Variants in PLEKHM3 observed in about 807,000 individuals in gnomAD.
PLEKHM3 encodes pleckstrin homology domain containing M3, also known as pleckstrin homology domain-containing family M member 3.
Under a neutral mutation model 81.8 loss-of-function variants are expected in PLEKHM3, and 45 were observed. The ratio of observed to expected loss-of-function variants is 0.55; its 90% CI spans 0.43 to 0.71. The LOEUF (loss-of-function observed/expected upper bound fraction) is 0.71. Ranked by LOEUF, PLEKHM3 falls within the 30% of genes least tolerant of loss-of-function variation. The pLI is 0.00. For missense variants in PLEKHM3, 788 were observed against 924.3 expected (o/e 0.85, Z 1.91); for synonymous variants, 352 against 356.4 (o/e 0.99, Z 0.14).
intron 7 of PLEKHM3, among the ~76,000 whole-genome samples, chr2:207,853,253 A>T (rs1255975853): frequency 6.6e-6 from 1 of 152,032 alleles, no homozygotes; most frequent in African/African-American, 2.4e-5. Flanking sequence ...CCCCGTCTCT[A>T]CTAAAAATAC....
intron 3 of PLEKHM3, among the ~76,000 whole-genome samples, chr2:207,948,726 G>C (rs1410785334): frequency 1.3e-5 from 2 of 152,210 alleles, no homozygotes; most frequent in South Asian, 4.1e-4. Flanking sequence ...TGTATTTTTA[G>C]TAGAGACGGG....
rs191857272 is a variant in PLEKHM3 at position 207,923,522 on chromosome 2, G to A, written c.1886+7404C>T. On this transcript the variant is annotated intron_variant, in intron 5 of 7. Coordinates refer to ENST00000427836, the MANE Select transcript of PLEKHM3 (RefSeq NM_001080475.3). ...CTCGGGAGGCTGAGGCAGGAGGATC[G>A]CTTGAACCAGGGAGGTGGAGGTTGC... 3.3e-3 allele frequency among the ~76,000 whole-genome samples: 507 copies of A among 152,128 alleles called. 3 individuals are homozygous for A. The highest frequency in any genetic ancestry group is 0.012 in the African/African-American group (481 of 41,510).
At chr2:207,892,084 A>G (rs1688076896) in intron 6 of PLEKHM3, among the ~76,000 whole-genome samples, 1 of 152,006 alleles carries the variant, frequency 6.6e-6, no homozygotes, top group African/African-American at 2.4e-5. Context: ...TCCTAACTGT[A>G]TTCCTCTCCT....
At chr2:207,887,234 G>T (rs1025140813) in intron 6 of PLEKHM3, among the ~76,000 whole-genome samples, 1 of 152,210 alleles carries the variant, frequency 6.6e-6, no homozygotes, top group African/African-American at 2.4e-5. Context: ...CAATTCTTTT[G>T]CTGATGTAAA....
At chr2:207,833,631 C>T (rs1386044917) in intron 7 of PLEKHM3, among the ~76,000 whole-genome samples, 1 of 152,182 alleles carries the variant, frequency 6.6e-6, no homozygotes, top group East Asian at 1.9e-4. Flanking sequence ...TGTGTAGCAG[C>T]ATCCCTGGCC....
intron 6 of PLEKHM3, among the ~76,000 whole-genome samples, chr2:207,872,663 C>T (rs1026821098): frequency 2.0e-5 from 3 of 152,138 alleles, no homozygotes; most frequent in Non-Finnish European, 4.4e-5. Flanking sequence ...CATGGCGAAA[C>T]CCCGTCTCTA....
intron 6 of PLEKHM3, among the ~76,000 whole-genome samples, chr2:207,892,368 T>C (rs1425044218): frequency 6.6e-6 from 1 of 152,208 alleles, no homozygotes; most frequent in African/African-American, 2.4e-5. Context: ...ATCATAATCA[T>C]TTTTGATTGG....
chr2:207,836,119 T>C (rs1203393130), intron 7 of PLEKHM3, among the ~76,000 whole-genome samples: 1 of 152,168 alleles, frequency 6.6e-6, no homozygotes, highest in Admixed American at 6.6e-5. Flanking sequence ...TTCTTTGGGA[T>C]AGGAGCAGGG....
rs1013948277 is a variant in PLEKHM3, at chr2:207,823,649, G to A, written c.*4670C>T. On this transcript the variant is annotated 3_prime_UTR_variant, in exon 8 of 8. Coordinates refer to ENST00000427836, the MANE Select transcript of PLEKHM3 (RefSeq NM_001080475.3). ...GACCTGATTTCACCATTTTTGGCCC[G>A]GCTGGTCTCAAACTCCTGACCTCAA... The A allele has an allele frequency of 6.6e-6, 1 of 152,056 alleles. No homozygotes were observed. The highest frequency in any genetic ancestry group is 1.5e-5 in the Non-Finnish European group (1 of 68,040). The allele number at this position is 152,056 out of a possible 1,614,324, so 9.4% of individuals were successfully genotyped here.
chr2:207,833,395 G>A (rs1428162590), intron 7 of PLEKHM3, among the ~76,000 whole-genome samples: 1 of 152,172 alleles, frequency 6.6e-6, no homozygotes, highest in Non-Finnish European at 1.5e-5. Flanking sequence ...GGATGTTGCT[G>A]TACATCACAG....
intron 3 of PLEKHM3, among the ~76,000 whole-genome samples, chr2:207,972,888 T>C (rs756075047): frequency 6.6e-6 from 1 of 152,218 alleles, no homozygotes; most frequent in Non-Finnish European, 1.5e-5. Flanking sequence ...AATTGCACTA[T>C]TTTGTAGATT....
chr2:207,911,018 A>G (rs1477925498), intron 5 of PLEKHM3, among the ~76,000 whole-genome samples: 1 of 152,154 alleles, frequency 6.6e-6, no homozygotes, highest in East Asian at 1.9e-4. Context: ...GGGAGGGAAT[A>G]AAAAATTGAG....
At chr2:207,922,570 T>C (rs1416321999) in intron 5 of PLEKHM3, among the ~76,000 whole-genome samples, 1 of 151,910 alleles carries the variant, frequency 6.6e-6, no homozygotes, top group East Asian at 1.9e-4. Flanking sequence ...CCCAGCACTT[T>C]GGGAGGCCGA....
At chr2:208,008,521 A>G (rs1411640805) in intron 1 of PLEKHM3, among the ~76,000 whole-genome samples, 1 of 143,340 alleles carries the variant, frequency 7.0e-6, no homozygotes, top group South Asian at 2.2e-4. Flanking sequence ...AAAAAAAAAA[A>G]AAAACAGACA....
intron 2 of PLEKHM3, among the ~76,000 whole-genome samples, chr2:207,998,317 A>G (rs1692187209): frequency 6.6e-6 from 1 of 152,180 alleles, no homozygotes; most frequent in Non-Finnish European, 1.5e-5. Context: ...CAGCCTGGGC[A>G]ACATAGCAAG....
rs11888254 is a variant in PLEKHM3, at chr2:207,875,472, C to G, written c.1951-14210G>C. ...AATGGAAGTATTAAATTGGTTCTAC[C>G]TTTTCAGAAGGCAACTGGACTGGCA... On this transcript the variant is annotated intron_variant, in intron 6 of 7. Coordinates refer to ENST00000427836, the MANE Select transcript of PLEKHM3 (RefSeq NM_001080475.3). Among the ~76,000 whole-genome samples, 451 of 152,286 alleles carry G rather than the reference C, an allele frequency of 3.0e-3. 1 individual carries two copies. Among genetic ancestry groups the G allele is most frequent in the African/African-American group, 0.01 (435 of 41,556 alleles).
intron 6 of PLEKHM3, among the ~76,000 whole-genome samples, chr2:207,884,414 T>C (rs1013113945): frequency 2.0e-5 from 3 of 152,176 alleles, no homozygotes; most frequent in African/African-American, 7.2e-5. Flanking sequence ...TAGTCTCAGA[T>C]GACAAGATCT....
At chr2:207,878,425 A>G (rs190843498) in intron 6 of PLEKHM3, among the ~76,000 whole-genome samples, 1 of 152,264 alleles carries the variant, frequency 6.6e-6, no homozygotes, top group Non-Finnish European at 1.5e-5. Context: ...CCTGACCAAC[A>G]TGGAGAAATC....
At chr2:208,014,816 A>G (rs1244476732) in intron 1 of PLEKHM3, among the ~76,000 whole-genome samples, 1 of 152,196 alleles carries the variant, frequency 6.6e-6, no homozygotes, top group African/African-American at 2.4e-5. Flanking sequence ...TGACTGATCC[A>G]TACTTCTCGG....
Sources: gnomAD v4.1 joint callset for allele counts (sites outside exome capture counted in the v4.1 genomes callset) on GRCh38, gnomAD v4.1.1 for gene constraint, MANE v1.5 for transcripts, NCBI Gene and HGNC (gene_info 2026-07-23, HGNC 2026-07-21) for gene names.